UBASH3B: variants seen among roughly 807,000 people sequenced by gnomAD.
UBASH3B encodes the protein ubiquitin-associated and SH3 domain-containing protein B.
UBASH3B carries 37 observed loss-of-function variants against 83.4 expected under a neutral mutation model. That is an observed-to-expected ratio of 0.44 (90% CI 0.34 to 0.58). UBASH3B has a LOEUF of 0.58. Ranked by LOEUF, UBASH3B falls within the 20% of genes least tolerant of loss-of-function variation. The probability of loss-of-function intolerance (pLI) is 0.01; values close to 1 mark genes in which losing one functional copy is unlikely to be tolerated. For missense variants in UBASH3B, 657 were observed against 827.2 expected (o/e 0.79, Z 2.52); for synonymous variants, 304 against 318.3 (o/e 0.96, Z 0.48).
intron 6 of UBASH3B, among the ~76,000 whole-genome samples, chr11:122,790,188 G>T (rs1861026984): frequency 6.6e-6 from 1 of 152,224 alleles, no homozygotes; most frequent in Admixed American, 6.5e-5. Context: ...TGCCATAAAG[G>T]AGAAGCAGAG....
At chr11:122,714,154 G>A (rs1864235622) in intron 1 of UBASH3B, among the ~76,000 whole-genome samples, 1 of 152,208 alleles carries the variant, frequency 6.6e-6, no homozygotes, top group South Asian at 2.1e-4. Flanking sequence ...CTGAAAGACA[G>A]AACATCTGCC....
chr11:122,769,078 A>T (rs1423085682), intron 1 of UBASH3B, among the ~76,000 whole-genome samples: 1 of 152,208 alleles, frequency 6.6e-6, no homozygotes, highest in Non-Finnish European at 1.5e-5. Flanking sequence ...TAATCTATAA[A>T]GAAAAGAGGA....
Position 122,773,940 on chromosome 11 carries a change from C to G in UBASH3B, c.162-2279C>G, listed in dbSNP as rs540839565. On this transcript the variant is annotated intron_variant, in intron 1 of 13. Coordinates refer to ENST00000284273, the MANE Select transcript of UBASH3B (RefSeq NM_032873.5). ...TGTCTGGTGCCACAAATGCGTTTTC[C>G]TTTTCCCAGTTGTTTTTGGAACAAT... 1.4e-5 allele frequency: 14 copies of G among 983,510 alleles called. No individual in the cohort carries two copies. The Admixed American group carries it at 1.8e-4, about 13-fold the overall frequency. The allele number at this position is 983,510 out of a possible 1,614,324, so 60.9% of individuals were successfully genotyped here.
intron 1 of UBASH3B, among the ~76,000 whole-genome samples, chr11:122,729,862 C>G (rs1003750542): frequency 1.5e-4 from 22 of 147,576 alleles, no homozygotes; most frequent in Non-Finnish European, 3.3e-4. Context: ...ACCTGAGGTC[C>G]CAGCTTCTTG....
chr11:122,746,018 G>A (rs1443450830), intron 1 of UBASH3B, among the ~76,000 whole-genome samples: 2 of 152,148 alleles, frequency 1.3e-5, no homozygotes, highest in Non-Finnish European at 2.9e-5. Flanking sequence ...ACGGGACCTC[G>A]TCCTTCTTAG....
Position 122,655,761 on chromosome 11 carries a change from G to C in UBASH3B, c.-289G>C. Reference sequence around the variant, plus strand: ...GACTGCTAGGCGAGGAGAGGGAAGGGGGCGGAGGAGACAGGGCTACTGCAG... The same window carrying C: ...GACTGCTAGGCGAGGAGAGGGAAGGCGGCGGAGGAGACAGGGCTACTGCAG... On this transcript the variant is annotated 5_prime_UTR_variant, in exon 1 of 14. Transcript: ENST00000284273. The C allele has an allele frequency of 2.8e-6, 1 of 363,064 alleles. No homozygotes were observed. The highest frequency in any genetic ancestry group is 5.0e-6 in the Non-Finnish European group (1 of 201,898). 22.5% of individuals were successfully genotyped at this position (363,064 alleles called of 1,614,324 possible). A position where few individuals can be genotyped will look rare whatever the true frequency, so the allele number is the denominator to read the frequency against.
intron 1 of UBASH3B, among the ~76,000 whole-genome samples, chr11:122,755,976 G>A (rs966522427): frequency 6.6e-6 from 1 of 152,124 alleles, no homozygotes; most frequent in Non-Finnish European, 1.5e-5. Context: ...TACCACGGAA[G>A]GCACTGAACA....
At chr11:122,755,038 A>G (rs951315628) in intron 1 of UBASH3B, among the ~76,000 whole-genome samples, 2 of 152,056 alleles carry the variant, frequency 1.3e-5, no homozygotes, top group African/African-American at 4.8e-5. Context: ...AGTCACTGGG[A>G]CCTTAAAGAA....
intron 1 of UBASH3B, among the ~76,000 whole-genome samples, chr11:122,699,515 T>G (rs371632747): frequency 7.2e-6 from 1 of 139,088 alleles, no homozygotes; most frequent in Non-Finnish European, 1.6e-5. Flanking sequence ...CTTTCTTTCT[T>G]TCTCTTTCTT....
At chr11:122,705,885 T>A (rs1417691139) in intron 1 of UBASH3B, among the ~76,000 whole-genome samples, 1 of 152,136 alleles carries the variant, frequency 6.6e-6, no homozygotes, top group African/African-American at 2.4e-5. Context: ...CAGCAGCTGA[T>A]GCCCTTCTTT....
intron 1 of UBASH3B, among the ~76,000 whole-genome samples, chr11:122,674,298 C>T (rs1863637352): frequency 6.6e-6 from 1 of 151,806 alleles, no homozygotes; most frequent in African/African-American, 2.4e-5. Context: ...ATTAGATTCT[C>T]AAAGCTGTTG....
chr11:122,770,891 G>A (rs1375626174), intron 1 of UBASH3B, among the ~76,000 whole-genome samples: 1 of 152,160 alleles, frequency 6.6e-6, no homozygotes. Context: ...CTATTGTCAA[G>A]GCCTTCTAGC....
chr11:122,740,513 T>A (rs1278003813), intron 1 of UBASH3B, among the ~76,000 whole-genome samples: 1 of 152,218 alleles, frequency 6.6e-6, no homozygotes, highest in Admixed American at 6.5e-5. Context: ...CTTGTTTTAT[T>A]TCACTTGATG....
chr11:122,705,830 T>C (rs1864111473), intron 1 of UBASH3B, among the ~76,000 whole-genome samples: 1 of 152,212 alleles, frequency 6.6e-6, no homozygotes, highest in Admixed American at 6.5e-5. Context: ...CGTTCAACTT[T>C]ATCACAGGAC....
chr11:122,659,600 C>T (rs980867482), intron 1 of UBASH3B, among the ~76,000 whole-genome samples: 1 of 152,164 alleles, frequency 6.6e-6, no homozygotes, highest in African/African-American at 2.4e-5. Context: ...GCAAGGGCAT[C>T]GGGCTTAGCT....
At chr11:122,769,994 A>C (rs1277599156) in intron 1 of UBASH3B, among the ~76,000 whole-genome samples, 1 of 152,244 alleles carries the variant, frequency 6.6e-6, no homozygotes, top group Admixed American at 6.5e-5. Context: ...CAAATGTAAG[A>C]TCATCTTAGC....
At chr11:122,777,725 AT>A (rs1309911682) in intron 3 of UBASH3B, among the ~76,000 whole-genome samples, 2 of 151,980 alleles carry the variant, frequency 1.3e-5, no homozygotes, top group African/African-American at 2.4e-5. Flanking sequence ...CTACTGACCA[AT>A]TTTTGTTGTT....
chr11:122,766,414 G>A (rs7117712), intron 1 of UBASH3B, among the ~76,000 whole-genome samples: 7 of 152,116 alleles, frequency 4.6e-5, no homozygotes, highest in African/African-American at 1.7e-4. Flanking sequence ...GCGAGGTAGC[G>A]GGCGCCTGTA....
chr11:122,771,603 T>A (rs1355691677), intron 1 of UBASH3B, among the ~76,000 whole-genome samples: 2 of 152,138 alleles, frequency 1.3e-5, no homozygotes, highest in African/African-American at 4.8e-5. Context: ...TCCTAAACTT[T>A]CTCAGCCCAC....
Sources: allele counts gnomAD v4.1 joint callset (sites outside exome capture counted in the v4.1 genomes callset), GRCh38; gene constraint gnomAD v4.1.1; transcripts MANE v1.5; gene names NCBI Gene and HGNC (gene_info 2026-07-23, HGNC 2026-07-21).